The following PCSK5 variants were observed in gnomAD, a reference collection of about 807,000 sequenced individuals.
PCSK5 encodes the protein proprotein convertase subtilisin/kexin type 5.
Under a neutral mutation model 233.2 loss-of-function variants are expected in PCSK5, and 129 were observed. That is an observed-to-expected ratio of 0.55 (90% CI 0.48 to 0.64). The LOEUF (loss-of-function observed/expected upper bound fraction) is 0.64, where lower values mean the gene tolerates loss of function less well. Ranked by LOEUF, PCSK5 falls within the 30% of genes least tolerant of loss-of-function variation. The pLI is 0.00. For missense variants in PCSK5, 2,076 were observed against 2,430.1 expected (o/e 0.85, Z 3.06); for synonymous variants, 825 against 879.2 (o/e 0.94, Z 1.09).
At chr9:76,343,374 T>C (rs1029750970) in intron 35 of PCSK5, among the ~76,000 whole-genome samples, 4 of 149,620 alleles carry the variant, frequency 2.7e-5, no homozygotes, top group African/African-American at 9.8e-5. Flanking sequence ...TGTGTGTGTG[T>C]GTATTTTGAG....
chr9:76,320,529 AG>A (rs1214697928), intron 30 of PCSK5, among the ~76,000 whole-genome samples: 23 of 47,628 alleles, frequency 4.8e-4, no homozygotes, highest in African/African-American at 2.4e-3. Flanking sequence ...AGTGCAGTGG[AG>A]TGGCACAATC....
At chr9:76,082,839 A>C (rs930142249) in intron 7 of PCSK5, among the ~76,000 whole-genome samples, 4 of 152,120 alleles carry the variant, frequency 2.6e-5, no homozygotes, top group Non-Finnish European at 4.4e-5. Flanking sequence ...AGAGAAAAAA[A>C]CTTGAAATGG....
intron 2 of PCSK5, among the ~76,000 whole-genome samples, chr9:75,969,988 C>T (rs908670458): frequency 6.6e-6 from 1 of 151,462 alleles, no homozygotes; most frequent in African/African-American, 2.4e-5. Flanking sequence ...ATTCTCCTGT[C>T]TCAGCCTCCC....
At chr9:76,088,236 G>A (rs900235570) in intron 7 of PCSK5, among the ~76,000 whole-genome samples, 6 of 152,228 alleles carry the variant, frequency 3.9e-5, no homozygotes, top group Non-Finnish European at 7.3e-5. Flanking sequence ...ATCAGCAGGT[G>A]CTGGTGGAGA....
chr9:75,939,030 G>C (rs1239613324), intron 2 of PCSK5, among the ~76,000 whole-genome samples: 1 of 152,128 alleles, frequency 6.6e-6, no homozygotes, highest in African/African-American at 2.4e-5. Flanking sequence ...ATAGTAAATT[G>C]CACACTCCCT....
chr9:75,978,880 C>T (rs9721750), intron 2 of PCSK5, among the ~76,000 whole-genome samples: 82,242 of 133,092 alleles, frequency 0.62, 26,233 homozygotes, highest in East Asian at 0.7. Context: ...TTTTTTTTTT[C>T]TTTTTTTCTG....
At chr9:75,966,591 G>A (rs1421176035) in intron 2 of PCSK5, among the ~76,000 whole-genome samples, 1 of 152,158 alleles carries the variant, frequency 6.6e-6, no homozygotes, top group East Asian at 1.9e-4. Context: ...GAAATTTAAT[G>A]AATAGCAGGT....
intron 4 of PCSK5, 78 bp from the exon 5 acceptor site, chr9:76,026,883 A>G: frequency 1.1e-6 from 1 of 927,672 alleles, no homozygotes. Flanking sequence ...TGTATTTAAA[A>G]ATGCATGAGC....
intron 30 of PCSK5, among the ~76,000 whole-genome samples, chr9:76,317,571 C>A (rs1355054440): frequency 6.6e-6 from 1 of 152,226 alleles, no homozygotes; most frequent in Non-Finnish European, 1.5e-5. Context: ...AAAGAGGTCT[C>A]TGGTAGATTG....
intron 32 of PCSK5, among the ~76,000 whole-genome samples, chr9:76,325,937 G>T (rs994612923): frequency 6.6e-6 from 1 of 151,590 alleles, no homozygotes; most frequent in South Asian, 2.1e-4. Flanking sequence ...ATGCCCGGCC[G>T]CCATTGCACT....
intron 24 of PCSK5, among the ~76,000 whole-genome samples, chr9:76,264,951 G>A (rs991014846): frequency 2.6e-5 from 4 of 151,980 alleles, no homozygotes; most frequent in African/African-American, 9.7e-5. Flanking sequence ...AAAGACACCT[G>A]CACTCACATG....
intron 8 of PCSK5, among the ~76,000 whole-genome samples, chr9:76,096,573 G>A (rs932764678): frequency 6.6e-6 from 1 of 151,268 alleles, no homozygotes; most frequent in Non-Finnish European, 1.5e-5. Context: ...TATTTAACAT[G>A]AACTAAACCT....
chr9:76,203,824 T>C (rs1168143039), intron 20 of PCSK5, among the ~76,000 whole-genome samples: 2 of 152,190 alleles, frequency 1.3e-5, no homozygotes, highest in African/African-American at 2.4e-5. Context: ...GTTGATCTTT[T>C]CAAGACATGG....
At position 76,304,499 on chromosome 9, in the gene PCSK5, A is replaced by G. The variant is rs891388730; in HGVS notation, c.3604+2282A>G. Among the ~76,000 whole-genome samples the G allele has an allele frequency of 9.2e-5, 14 of 152,240 alleles. No individual in the cohort carries two copies. The South Asian group carries it at 1.2e-3, about 14-fold the overall frequency. ...AGTGGAATGGTGGCAGGAGAGAATC[A>G]ACAGGAAGCTGAAGGAACTACAATT... On this transcript the variant is annotated intron_variant, in intron 28 of 37. Coordinates refer to ENST00000674117, the MANE Select transcript of PCSK5 (RefSeq NM_001372043.1).
intron 9 of PCSK5, among the ~76,000 whole-genome samples, chr9:76,123,794 A>G (rs1006853039): frequency 6.6e-6 from 1 of 152,180 alleles, no homozygotes. Context: ...TCCTGCAAAT[A>G]TATCTTCTGT....
chr9:76,212,011 A>C (rs1825346132), intron 20 of PCSK5, among the ~76,000 whole-genome samples: 1 of 152,168 alleles, frequency 6.6e-6, no homozygotes, highest in Non-Finnish European at 1.5e-5. Context: ...TAATTGATTA[A>C]ATAGCAGCTA....
At chr9:76,269,486 G>C (rs1827439305) in intron 24 of PCSK5, among the ~76,000 whole-genome samples, 1 of 152,198 alleles carries the variant, frequency 6.6e-6, no homozygotes, top group Admixed American at 6.5e-5. Context: ...TGACTTTTGA[G>C]AAGGAGAAGA....
chr9:76,066,618 A>G (rs1382982671), intron 5 of PCSK5, among the ~76,000 whole-genome samples: 2 of 152,206 alleles, frequency 1.3e-5, no homozygotes, highest in East Asian at 3.8e-4. Context: ...ACATTTATAT[A>G]TATCATTTAA....
Position 76,302,959 on chromosome 9 carries a change from CTTTTTT to C in PCSK5, c.3604+761_3604+766del, listed in dbSNP as rs10552673. Reference sequence around the variant, plus strand: ...CTGCACTTTCTGGGTCAAAGTGGTTCTTTTTTTTTTTTTTTTTTTTTTTTGTGGTCC... The same window carrying C: ...CTGCACTTTCTGGGTCAAAGTGGTTCTTTTTTTTTTTTTTTTTTGTGGTCC... On this transcript the variant is annotated intron_variant, in intron 28 of 37. Coordinates refer to ENST00000674117, the MANE Select transcript of PCSK5 (RefSeq NM_001372043.1). 4.9e-3 allele frequency among the ~76,000 whole-genome samples: 426 copies of C among 87,526 alleles called. 1 individual carries two copies. Among genetic ancestry groups the C allele is most frequent in the African/African-American group, 0.017 (417 of 23,986 alleles). 57.4% of individuals were successfully genotyped at this position (87,526 alleles called of 152,430 possible).
Sources: allele counts gnomAD v4.1 joint callset (sites outside exome capture counted in the v4.1 genomes callset), GRCh38; gene constraint gnomAD v4.1.1; transcripts MANE v1.5; gene names NCBI Gene and HGNC (gene_info 2026-07-23, HGNC 2026-07-21).